Variants in CCL18 observed in about 807,000 individuals in gnomAD.
The protein encoded by CCL18 is C-C motif chemokine ligand 18, also known as C-C motif chemokine 18.
CCL18 carries 7 observed loss-of-function variants against 8.0 expected under a neutral mutation model. That is an observed-to-expected ratio of 0.87 (90% confidence interval 0.50 to 1.64). The LOEUF is 1.64. Among genes scored for constraint, CCL18 ranks in the 40% most tolerant of loss-of-function variants. The pLI is 0.00. For missense variants in CCL18, 95 were observed against 107.8 expected, an observed-to-expected ratio of 0.88 and a Z score of 0.52; for synonymous variants, 35 against 41.3, an observed-to-expected ratio of 0.85 and a Z score of 0.59.
chr17:36,066,238 T>C (rs1370819646), intron 1 of CCL18, among the ~76,000 whole-genome samples: 2 of 152,154 alleles, frequency 1.3e-5, no homozygotes, highest in Non-Finnish European at 2.9e-5. Flanking sequence ...GTCCAGAGCA[T>C]AGGGAAACAA....
rs759761614 is a variant in CCL18 at position 36,070,567 on chromosome 17, C to T, written c.179+9C>T. ...CCCAAGCCAGGTGTCATGTAAGTGCCAGTGCTCCTGCCCACCCCTCGGGAG... is the reference window on the plus strand; with the variant it reads ...CCCAAGCCAGGTGTCATGTAAGTGCTAGTGCTCCTGCCCACCCCTCGGGAG... On this transcript the variant is annotated intron_variant, in intron 2 of 2. Transcript: ENST00000616054. 1.3e-6 allele frequency: 2 copies of T among 1,527,078 alleles called. No homozygotes were observed. Among genetic ancestry groups the T allele is most frequent in the Non-Finnish European group, 1.8e-6 (2 of 1,100,778 alleles). The allele number at this position is 1,527,078 out of a possible 1,614,324, so 94.6% of individuals were successfully genotyped here.
intron 1 of CCL18, among the ~76,000 whole-genome samples, chr17:36,064,983 G>A (rs1176928014): frequency 2.0e-5 from 3 of 152,120 alleles, no homozygotes; most frequent in Admixed American, 2.0e-4. Context: ...TCTGAGCTAT[G>A]CTGTCTCCCT....
rs190557511 is a variant in CCL18, at chr17:36,068,125, C to A, written c.68-2322C>A. 1.2e-3 allele frequency among the ~76,000 whole-genome samples: 179 copies of A among 152,114 alleles called. 2 individuals are homozygous for A. Among genetic ancestry groups the A allele is most frequent in the African/African-American group, 4.2e-3 (175 of 41,496 alleles). ...CCACAATAACAAAACAGACTAATGA[C>A]AAGTTCCTCAGATGTATTTTTGTCA... On this transcript the variant is annotated intron_variant, in intron 1 of 2. Coordinates refer to ENST00000616054, the MANE Select transcript of CCL18 (RefSeq NM_002988.4).
At position 36,070,553 on chromosome 17, in the gene CCL18, TGTCATGTAA is replaced by T; in HGVS notation, c.177_179+6del. ...CCAGCCCCCAGTGCCCCAAGCCAGGTGTCATGTAAGTGCCAGTGCTCCTGCCCACCCCTC... is the reference window on the plus strand; with the variant it reads ...CCAGCCCCCAGTGCCCCAAGCCAGGTGTGCCAGTGCTCCTGCCCACCCCTC... On this transcript the variant is annotated splice_donor_variant and splice_donor_region_variant and coding_sequence_variant and intron_variant, in exon 2 of 3. Transcript: ENST00000616054. LOFTEE classifies it high-confidence loss of function. 1 of 1,603,638 alleles carries T rather than the reference TGTCATGTAA, an allele frequency of 6.2e-7. No individual in the cohort carries two copies. The highest frequency in any genetic ancestry group is 8.5e-7 in the Non-Finnish European group (1 of 1,170,434).
chr17:36,069,148 C>A (rs958412118), intron 1 of CCL18, among the ~76,000 whole-genome samples: 1 of 152,330 alleles, frequency 6.6e-6, no homozygotes, highest in East Asian at 1.9e-4. Context: ...AGCCACCATG[C>A]CTGGCTCTGA....
In CCL18 at chr17:36,070,559, G is replaced by A. The variant is rs567219281; in HGVS notation, c.179+1G>A. The A allele has an allele frequency of 2.6e-6, 4 of 1,568,118 alleles. No individual in the cohort carries two copies. In the South Asian group the frequency reaches 3.3e-5, roughly 13 times the overall value. ...CCCAGTGCCCCAAGCCAGGTGTCAT[G>A]TAAGTGCCAGTGCTCCTGCCCACCC... On this transcript the variant is annotated splice_donor_variant, in intron 2 of 2. Coordinates refer to ENST00000616054, the MANE Select transcript of CCL18 (RefSeq NM_002988.4). LOFTEE classifies it high-confidence loss of function.
chr17:36,068,124 A>T (rs1001432594), intron 1 of CCL18, among the ~76,000 whole-genome samples: 6 of 152,208 alleles, frequency 3.9e-5, no homozygotes, highest in Non-Finnish European at 8.8e-5. Context: ...CAGACTAATG[A>T]CAAGTTCCTC....
At chr17:36,066,235 G>A in intron 1 of CCL18, among the ~76,000 whole-genome samples, 1 of 152,206 alleles carries the variant, frequency 6.6e-6, no homozygotes, top group African/African-American at 2.4e-5. Context: ...TCTGTCCAGA[G>A]CATAGGGAAA....
intron 1 of CCL18, among the ~76,000 whole-genome samples, chr17:36,067,685 T>TA (rs1303645820): frequency 1.3e-5 from 2 of 150,586 alleles, no homozygotes; most frequent in Admixed American, 6.6e-5. Flanking sequence ...AGACTCCATC[T>TA]AAAAAAAAAG....
rs2066863734 is a variant in CCL18 at position 36,071,089 on chromosome 17, G to T, written c.*48G>T. 1 of 1,368,336 alleles carries T rather than the reference G, an allele frequency of 7.3e-7. No individual in the cohort carries two copies. The highest frequency in any genetic ancestry group is 1.0e-6 in the Non-Finnish European group (1 of 968,156). 84.8% of individuals were successfully genotyped at this position (1,368,336 alleles called of 1,614,324 possible). ...CCAGTGAACTTGGTGGGCCCAGGAG[G>T]GAACAGGAGCCTGAGCCAGGGCAAT... On this transcript the variant is annotated 3_prime_UTR_variant, in exon 3 of 3. Coordinates refer to ENST00000616054, the MANE Select transcript of CCL18 (RefSeq NM_002988.4).
chr17:36,064,775 C>G (rs1400557089), intron 1 of CCL18, among the ~76,000 whole-genome samples: 6 of 152,138 alleles, frequency 3.9e-5, no homozygotes, highest in South Asian at 2.1e-4. Context: ...CTATACTTTT[C>G]TCAGCTATCT....
In CCL18 at chr17:36,071,083, C is replaced by T. The variant is rs371605708; in HGVS notation, c.*42C>T. On this transcript the variant is annotated 3_prime_UTR_variant, in exon 3 of 3. Transcript: ENST00000616054. ...GAGGGCCCAGTGAACTTGGTGGGCC[C>T]AGGAGGGAACAGGAGCCTGAGCCAG... 1 of 1,363,042 alleles carries T rather than the reference C, an allele frequency of 7.3e-7. No homozygotes were observed. The highest frequency in any genetic ancestry group is 1.0e-6 in the Non-Finnish European group (1 of 963,592). 84.4% of individuals were successfully genotyped at this position (1,363,042 alleles called of 1,614,324 possible). A position where few individuals can be genotyped will look rare whatever the true frequency, so the allele number is the denominator to read the frequency against.
intron 1 of CCL18, among the ~76,000 whole-genome samples, chr17:36,065,496 C>A (rs1035711464): frequency 6.6e-6 from 1 of 152,092 alleles, no homozygotes; most frequent in Non-Finnish European, 1.5e-5. Flanking sequence ...CCTCCATATG[C>A]CCTATTTGCA....
At chr17:36,067,717 A>T (rs972607114) in intron 1 of CCL18, among the ~76,000 whole-genome samples, 11 of 152,172 alleles carry the variant, frequency 7.2e-5, no homozygotes, top group African/African-American at 2.4e-4. Flanking sequence ...ACCAACCCAC[A>T]TATGTTACAG....
chr17:36,070,597 G>T, intron 2 of CCL18, 39 bp downstream of exon 2: 1 of 1,319,130 alleles, frequency 7.6e-7, no homozygotes, highest in Non-Finnish European at 1.1e-6. Context: ...CGGGAGGGAG[G>T]ATGGGAGGTT....
Position 36,071,021 on chromosome 17 carries a change from G to T in CCL18, c.250G>T (p.Asp84Tyr). Residue 84 changes from aspartate (D) to tyrosine (Y), a missense_variant, in exon 3 of 3, where the codon GAC (aspartate) becomes TAC (tyrosine). Physicochemically the swap from Asp to Tyr is radical, Grantham distance 160 (BLOSUM62 -3). Coordinates refer to ENST00000616054, the MANE Select transcript of CCL18 (RefSeq NM_002988.4). ...NKKWVQKYIS[D>Y]LKLNA ...GAAGTGGGTCCAGAAATACATCAGC[G>T]ACCTGAAGCTGAATGCCTGAGGGGC... 6.2e-7 allele frequency: 1 copy of T among 1,612,852 alleles called. No individual in the cohort carries two copies. The highest frequency in any genetic ancestry group is 8.5e-7 in the Non-Finnish European group (1 of 1,178,884).
intron 1 of CCL18, among the ~76,000 whole-genome samples, chr17:36,064,895 A>C (rs2066828925): frequency 6.6e-6 from 1 of 152,222 alleles, no homozygotes; most frequent in Non-Finnish European, 1.5e-5. Context: ...TAAAATGGAG[A>C]GACAAGACTA....
At chr17:36,065,597 G>C (rs761299364) in intron 1 of CCL18, among the ~76,000 whole-genome samples, 2 of 152,170 alleles carry the variant, frequency 1.3e-5, no homozygotes, top group African/African-American at 4.8e-5. Context: ...AAACATAAGA[G>C]AGGCAGGAGA....
intron 1 of CCL18, among the ~76,000 whole-genome samples, chr17:36,069,991 A>G (rs1349900476): frequency 6.6e-6 from 1 of 151,932 alleles, no homozygotes; most frequent in Non-Finnish European, 1.5e-5. Flanking sequence ...GGTTTCAGCA[A>G]CTCTGTTCTC....
Sources: gnomAD v4.1 joint callset for allele counts (sites outside exome capture counted in the v4.1 genomes callset) on GRCh38, gnomAD v4.1.1 for gene constraint, MANE v1.5 for transcripts, NCBI Gene and HGNC (gene_info 2026-07-23, HGNC 2026-07-21) for gene names.